TTLL13: variants seen among roughly 807,000 people sequenced by gnomAD.
TTLL13 encodes the protein tubulin polyglutamylase TTLL13.
chr15:90,257,623 C>A, the TTLL13 span: 1 of 1,613,378 alleles, frequency 6.2e-7, no homozygotes, highest in Non-Finnish European at 8.5e-7. Context: ...ACCACAGGGC[C>A]ACTCTTTCCA....
At chr15:90,257,282 G>C in the TTLL13 span, 170 of 1,610,578 alleles carry the variant, frequency 1.1e-4, 5 homozygotes, top group South Asian at 1.7e-3. Context: ...TAACAACCTG[G>C]TAAGGGGACT....
the TTLL13 span, among the ~76,000 whole-genome samples, chr15:90,256,463 G>C: frequency 6.6e-6 from 1 of 152,116 alleles, no homozygotes; most frequent in Admixed American, 6.5e-5. Context: ...GCCTGCCTGG[G>C]GTTGAATCTC....
the TTLL13 span, among the ~76,000 whole-genome samples, chr15:90,252,009 G>A: frequency 6.6e-6 from 1 of 150,750 alleles, no homozygotes; most frequent in Admixed American, 6.7e-5. Context: ...CAGTAGCTGG[G>A]ACTACAGGCC....
At chr15:90,255,932 G>A in the TTLL13 span, 1 of 1,613,046 alleles carries the variant, frequency 6.2e-7, no homozygotes. Context: ...GGGAGGAAAA[G>A]GGTCGCTCTC....
the TTLL13 span, among the ~76,000 whole-genome samples, chr15:90,251,280 A>ATTTTTTTTTTTTTTTT: frequency 1.0e-4 from 11 of 109,512 alleles, no homozygotes; most frequent in African/African-American, 2.5e-4. Flanking sequence ...CGCATGGCAA[A>ATTTTTTTTTTTTTTTT]TTTTTTTTTT....
chr15:90,262,456 A>C, the TTLL13 span: 1 of 1,442,858 alleles, frequency 6.9e-7, no homozygotes. Flanking sequence ...CCCCAACACC[A>C]TTTCTCTACT....
chr15:90,258,745 A>G, the TTLL13 span: 3 of 1,613,970 alleles, frequency 1.9e-6, no homozygotes, highest in Non-Finnish European at 1.7e-6. Context: ...CCTGGCAGGT[A>G]AACCACTCTC....
the TTLL13 span, chr15:90,262,577 G>T: frequency 6.5e-7 from 1 of 1,534,920 alleles, no homozygotes; most frequent in Non-Finnish European, 8.7e-7. Context: ...CCAGAACCAG[G>T]GTGAATCAGC....
the TTLL13 span, chr15:90,257,242 T>G: frequency 4.3e-6 from 7 of 1,614,120 alleles, 1 homozygote; most frequent in South Asian, 7.7e-5. Context: ...TAGCCCGTTT[T>G]GCCACCACGC....
chr15:90,264,572 T>C, the TTLL13 span: 1 of 899,578 alleles, frequency 1.1e-6, no homozygotes, highest in African/African-American at 1.7e-5. Flanking sequence ...AGACATACCA[T>C]ACCAATTACA....
the TTLL13 span, chr15:90,255,672 C>T: frequency 1.9e-6 from 3 of 1,589,934 alleles, no homozygotes; most frequent in South Asian, 1.1e-5. Context: ...CCTTCCCAAT[C>T]CTCCTCCACT....
the TTLL13 span, chr15:90,263,137 G>T: frequency 6.6e-7 from 1 of 1,525,274 alleles, no homozygotes; most frequent in African/African-American, 1.4e-5. Flanking sequence ...AAAACTTCAT[G>T]AGAGTCGGGT....
the TTLL13 span, chr15:90,258,159 A>T: frequency 6.2e-7 from 1 of 1,613,768 alleles, no homozygotes; most frequent in Non-Finnish European, 8.5e-7. Context: ...TCTACGCCAC[A>T]ACTACCGAAC....
At chr15:90,263,802 GGT>G in the TTLL13 span, 2 of 707,772 alleles carry the variant, frequency 2.8e-6, no homozygotes, top group African/African-American at 3.5e-5. Context: ...TGGTCCTACT[GGT>G]GCTCCTAAGA....
the TTLL13 span, chr15:90,262,774 G>A: frequency 1.6e-6 from 2 of 1,254,796 alleles, no homozygotes; most frequent in Non-Finnish European, 2.1e-6. Flanking sequence ...GCACAAGAGA[G>A]AGAGGAGTTC....
the TTLL13 span, chr15:90,262,805 G>A: frequency 7.4e-6 from 9 of 1,215,422 alleles, no homozygotes; most frequent in African/African-American, 7.7e-5. Flanking sequence ...AATTGAATCC[G>A]ATCCTTTGGA....
the TTLL13 span, among the ~76,000 whole-genome samples, chr15:90,254,491 TAAAAAA>T: frequency 2.4e-5 from 2 of 84,240 alleles, no homozygotes; most frequent in East Asian, 5.2e-4. Flanking sequence ...AGACTCCATC[TAAAAAA>T]AAAAAAAAAA....
the TTLL13 span, among the ~76,000 whole-genome samples, chr15:90,251,110 C>A: frequency 1.9e-5 from 2 of 105,214 alleles, no homozygotes; most frequent in African/African-American, 3.9e-5. Context: ...TCATCCTGGT[C>A]TGTCTTTTTT....
the TTLL13 span, chr15:90,265,262 G>A: frequency 1.6e-6 from 2 of 1,265,838 alleles, no homozygotes; most frequent in Non-Finnish European, 2.0e-6. Flanking sequence ...TGAACCCTAG[G>A]TGCGGCCCGG....
Sources: gnomAD v4.1 joint callset for allele counts (sites outside exome capture counted in the v4.1 genomes callset) on GRCh38, gnomAD v4.1.1 for gene constraint, MANE v1.5 for transcripts, NCBI Gene and HGNC (gene_info 2026-07-23, HGNC 2026-07-21) for gene names.